Variants in VNN1 observed in about 807,000 individuals in gnomAD.
VNN1 encodes vanin 1.
Under a neutral mutation model 41.9 loss-of-function variants are expected in VNN1, and 29 were observed. The observed-to-expected ratio is 0.69, with a 90% CI of 0.52 to 0.94. The LOEUF is 0.94. Ranked by LOEUF, VNN1 falls within the 40% of genes least tolerant of loss-of-function variation. The pLI is 0.00. For missense variants in VNN1, 637 were observed against 621.1 expected, an observed-to-expected ratio of 1.03 and a Z score of -0.27; for synonymous variants, 233 against 224.4, an observed-to-expected ratio of 1.04 and a Z score of -0.34.
At chr6:132,700,530 C>T (rs1241275565) in intron 2 of VNN1, among the ~76,000 whole-genome samples, 1 of 152,080 alleles carries the variant, frequency 6.6e-6, no homozygotes, top group Non-Finnish European at 1.5e-5. Context: ...GCTTCCCAAA[C>T]CCTGTTCTAG....
intron 2 of VNN1, among the ~76,000 whole-genome samples, chr6:132,705,300 C>T (rs78323340): frequency 0.071 from 10,848 of 152,082 alleles, 399 homozygotes; most frequent in East Asian, 0.11. Context: ...CCAAATGCAA[C>T]GACACATTAA....
chr6:132,711,882 G>C (rs752489818), intron 1 of VNN1, 43 bp from the exon 2 acceptor site: 2 of 1,601,884 alleles, frequency 1.2e-6, no homozygotes, highest in Non-Finnish European at 1.7e-6. Flanking sequence ...CCTGCAAGAG[G>C]AGCTGAGGAG....
intron 5 of VNN1, among the ~76,000 whole-genome samples, chr6:132,691,088 C>T (rs978600124): frequency 2.6e-5 from 4 of 152,134 alleles, no homozygotes; most frequent in African/African-American, 9.7e-5. Flanking sequence ...TTCAATATTG[C>T]AGAAGCCCAG....
chr6:132,695,495 G>A (rs926566926), intron 2 of VNN1, among the ~76,000 whole-genome samples: 13 of 152,024 alleles, frequency 8.6e-5, no homozygotes, highest in African/African-American at 2.9e-4. Context: ...TCAAATATAC[G>A]AGATCTGCAT....
At chr6:132,683,427 C>A in intron 6 of VNN1, 105 bp from the exon 7 acceptor site, 1 of 1,207,610 alleles carries the variant, frequency 8.3e-7, no homozygotes, top group Non-Finnish European at 1.1e-6. Context: ...AAATACTGGC[C>A]AAATTCCATT....
At chr6:132,689,784 T>C (rs1170863475) in intron 5 of VNN1, among the ~76,000 whole-genome samples, 1 of 152,156 alleles carries the variant, frequency 6.6e-6, no homozygotes, top group Non-Finnish European at 1.5e-5. Flanking sequence ...AATTCTAGTA[T>C]CTCCCTTAAG....
intron 5 of VNN1, among the ~76,000 whole-genome samples, chr6:132,689,194 T>G (rs2114338313): frequency 6.6e-6 from 1 of 152,226 alleles, no homozygotes; most frequent in South Asian, 2.1e-4. Context: ...TCCTCTCATA[T>G]TTTATGTATT....
intron 2 of VNN1, among the ~76,000 whole-genome samples, chr6:132,700,260 T>C (rs570513997): frequency 2.6e-5 from 4 of 152,312 alleles, no homozygotes; most frequent in Admixed American, 2.0e-4. Flanking sequence ...AAAGTAGTTA[T>C]ATGCTTGGTC....
intron 2 of VNN1, among the ~76,000 whole-genome samples, chr6:132,703,877 C>T (rs1333495224): frequency 3.3e-5 from 5 of 151,926 alleles, no homozygotes; most frequent in Non-Finnish European, 7.4e-5. Context: ...GATTTCCATG[C>T]AAATGGAAAA....
chr6:132,705,515 C>T (rs1014411301), intron 2 of VNN1, among the ~76,000 whole-genome samples: 9 of 152,150 alleles, frequency 5.9e-5, no homozygotes, highest in Admixed American at 6.6e-5. Context: ...ATAGAAGGAA[C>T]ATACCTCAAC....
rs1582764043 is a variant in VNN1, at chr6:132,680,984, C to T, written c.*2156G>A. Among the ~76,000 whole-genome samples, 3 of 152,000 alleles carry T rather than the reference C, an allele frequency of 2.0e-5. No individual in the cohort carries two copies. Among genetic ancestry groups the T allele is most frequent in the South Asian group, 2.1e-4 (1 of 4,816 alleles). On this transcript the variant is annotated 3_prime_UTR_variant, in exon 7 of 7. Coordinates refer to ENST00000367928, the MANE Select transcript of VNN1 (RefSeq NM_004666.3). ...TAGCAAAAAGAAAAGGAAAACAATC[C>T]TATTTTTTAAATTACATTGCAATAT...
At chr6:132,702,057 T>C (rs1231716923) in intron 2 of VNN1, among the ~76,000 whole-genome samples, 1 of 152,210 alleles carries the variant, frequency 6.6e-6, no homozygotes, top group Non-Finnish European at 1.5e-5. Context: ...GGGTTCTAAA[T>C]AAACTTGAAA....
At chr6:132,693,645 C>T (rs921891588) in intron 3 of VNN1, among the ~76,000 whole-genome samples, 5 of 152,210 alleles carry the variant, frequency 3.3e-5, no homozygotes, top group African/African-American at 1.2e-4. Flanking sequence ...CCATTCTCCT[C>T]AAGACAGAGT....
intron 3 of VNN1, 96 bp from the exon 4 acceptor site, chr6:132,693,411 C>A: frequency 8.2e-7 from 1 of 1,217,164 alleles, no homozygotes. Flanking sequence ...ATCTTAGTGC[C>A]AATTTCATCT....
At chr6:132,696,649 G>A (rs1041690743) in intron 2 of VNN1, among the ~76,000 whole-genome samples, 1 of 148,728 alleles carries the variant, frequency 6.7e-6, no homozygotes, top group African/African-American at 2.5e-5. Flanking sequence ...ACAAAGCATT[G>A]AGCTGATATA....
In VNN1 at chr6:132,693,104, T is replaced by A; in HGVS notation, c.746A>T (p.Glu249Val). The A allele has an allele frequency of 6.2e-7, 1 of 1,614,118 alleles. No homozygotes were observed. The highest frequency in any genetic ancestry group is 8.5e-7 in the Non-Finnish European group (1 of 1,180,012). ...MNVLPHLSAV[E>V]FHSAWAMGMR... is the part of the protein sequence containing the mutation. The stretch of plus-strand genomic sequence containing the variant: ...GCCCATAGCCCAAGCTGAGTGGAAT[T>A]CAACAGCTGACAAATGTGGCAAAAC... The change falls in exon 4 of 7, where the codon GAA (glutamate) becomes GTA (valine). Residue 249 changes from glutamate to valine, a missense_variant. Glu to Val is a moderately radical substitution (Grantham distance 121). Transcript: ENST00000367928.
At chr6:132,687,030 G>A (rs1029829290) in intron 5 of VNN1, among the ~76,000 whole-genome samples, 3 of 152,084 alleles carry the variant, frequency 2.0e-5, no homozygotes, top group Non-Finnish European at 4.4e-5. Context: ...CAGAGAAAAT[G>A]TCGGAAAATT....
chr6:132,702,453 C>T (rs927546369), intron 2 of VNN1, among the ~76,000 whole-genome samples: 3 of 152,192 alleles, frequency 2.0e-5, no homozygotes, highest in Admixed American at 6.5e-5. Flanking sequence ...ACAAGGACTA[C>T]AATTCCTAGG....
At chr6:132,692,199 ACT>A in intron 5 of VNN1, 22 bp downstream of exon 5, 1 of 1,518,398 alleles carries the variant, frequency 6.6e-7, no homozygotes, top group Non-Finnish European at 8.8e-7. Context: ...TTATCCAGTA[ACT>A]CTTCTGACAT....
Sources: allele counts gnomAD v4.1 joint callset (sites outside exome capture counted in the v4.1 genomes callset), GRCh38; gene constraint gnomAD v4.1.1; transcripts MANE v1.5; gene names NCBI Gene and HGNC (gene_info 2026-07-23, HGNC 2026-07-21).